The following RNF130 variants were observed in gnomAD, a reference collection of about 807,000 sequenced individuals.
RNF130 encodes ring finger protein 130.
Under a neutral mutation model 44.6 loss-of-function variants are expected in RNF130, and 21 were observed. That is an observed-to-expected ratio of 0.47 (90% CI 0.33 to 0.68). RNF130 has a LOEUF of 0.68. RNF130 is among the 30% of genes least tolerant of loss of function. RNF130 has a pLI of 0.02. For missense variants in RNF130, 479 were observed against 560.6 expected (o/e 0.85, Z 1.47); for synonymous variants, 214 against 210.4 (o/e 1.02, Z -0.15).
chr5:179,990,667 G>A lies in RNF130; in HGVS notation c.694-10467C>T, dbSNP rs551754542. 4.6e-5 allele frequency among the ~76,000 whole-genome samples: 7 copies of A among 152,300 alleles called. No individual in the cohort carries two copies. In the East Asian group the frequency reaches 7.7e-4, roughly 17 times the overall value. On this transcript the variant is annotated intron_variant, in intron 3 of 8. Coordinates refer to ENST00000521389, the MANE Select transcript of RNF130 (RefSeq NM_018434.6). ...GACAGCTACCGCTAGACCATGGTCC[G>A]CTTGGTAATGGGCGTCTTCCCAGAC...
At chr5:179,951,174 T>C (rs1762118664), downstream of RNF130, among the ~76,000 whole-genome samples, 2 of 152,144 alleles carry the variant, frequency 1.3e-5, 1 homozygote, top group South Asian at 4.1e-4. Flanking sequence ...CAACCCCGTA[T>C]GCACCTAACA....
At chr5:179,958,816 G>A (rs1309998772) in intron 8 of RNF130, among the ~76,000 whole-genome samples, 1 of 152,048 alleles carries the variant, frequency 6.6e-6, no homozygotes, top group Non-Finnish European at 1.5e-5. Flanking sequence ...CCTTAGCTGG[G>A]ATTACAGGTA....
At chr5:179,954,479 CA>C (rs1465558820), downstream of RNF130, among the ~76,000 whole-genome samples, 3 of 152,152 alleles carry the variant, frequency 2.0e-5, no homozygotes, top group Non-Finnish European at 4.4e-5. Context: ...CAAAAGGCCA[CA>C]TATTATATGG....
exon 8 of RNF130, chr5:179,920,326 G>A (rs1233657660): frequency 1.4e-6 from 1 of 701,070 alleles, no homozygotes; most frequent in Non-Finnish European, 2.6e-6. Flanking sequence ...TTCAGGTTTT[G>A]TTCTCATCAT....
chr5:179,956,864 G>A (rs1762224631), intron 8 of RNF130, among the ~76,000 whole-genome samples: 1 of 152,250 alleles, frequency 6.6e-6, no homozygotes. Flanking sequence ...CGAGCCCCGT[G>A]CTTGGCACAA....
chr5:180,023,108 G>A (rs1456186739), intron 2 of RNF130, among the ~76,000 whole-genome samples: 1 of 152,204 alleles, frequency 6.6e-6, no homozygotes, highest in Non-Finnish European at 1.5e-5. Context: ...AGGAGTGGGA[G>A]TTTAGTGATA....
chr5:179,988,467 C>T (rs1462354218), intron 3 of RNF130, among the ~76,000 whole-genome samples: 6 of 151,978 alleles, frequency 3.9e-5, no homozygotes, highest in South Asian at 2.1e-4. Context: ...CTTGCTTTTC[C>T]AGTTCCTTGA....
downstream of RNF130, among the ~76,000 whole-genome samples, chr5:179,951,584 C>T (rs549605986): frequency 1.1e-4 from 17 of 152,172 alleles, no homozygotes; most frequent in African/African-American, 2.2e-4. Flanking sequence ...GGGGTTTCAC[C>T]GTGTTGGCCA....
exon 8 of RNF130, chr5:179,920,007 T>C (rs1561657810): frequency 3.3e-6 from 1 of 305,672 alleles, no homozygotes; most frequent in South Asian, 6.1e-5. Flanking sequence ...TGTTCAGAGA[T>C]GCGTCTGCAA....
intron 3 of RNF130, among the ~76,000 whole-genome samples, chr5:179,999,755 T>C (rs529954755): frequency 3.2e-4 from 48 of 152,296 alleles, no homozygotes; most frequent in African/African-American, 1.1e-3. Context: ...TGAAGTGAGT[T>C]TCTTGTAGGT....
At chr5:180,057,747 A>T (rs954702219) in intron 1 of RNF130, among the ~76,000 whole-genome samples, 2 of 152,200 alleles carry the variant, frequency 1.3e-5, no homozygotes, top group Non-Finnish European at 2.9e-5. Flanking sequence ...TGTATCTTAC[A>T]TAACACCCTT....
chr5:179,954,762 A>G (rs189287288), downstream of RNF130, among the ~76,000 whole-genome samples: 1 of 152,358 alleles, frequency 6.6e-6, no homozygotes, highest in East Asian at 1.9e-4. Flanking sequence ...TGATTTGAGC[A>G]TGACTACTGG....
intron 1 of RNF130, among the ~76,000 whole-genome samples, chr5:180,049,743 G>GATAT (rs1764646301): frequency 6.6e-6 from 1 of 152,188 alleles, no homozygotes; most frequent in Non-Finnish European, 1.5e-5. Flanking sequence ...ATATGTATAT[G>GATAT]ATATAGCTGG....
chr5:179,944,910 T>C (rs879469829), intron 7 of RNF130, among the ~76,000 whole-genome samples: 5 of 152,144 alleles, frequency 3.3e-5, no homozygotes, highest in Non-Finnish European at 7.4e-5. Context: ...AAGGCACATA[T>C]ATTTGCTCAC....
At chr5:179,956,426 C>T (rs1762212813) in intron 8 of RNF130, 1 of 152,538 alleles carries the variant, frequency 6.6e-6, no homozygotes, top group Admixed American at 6.5e-5. Flanking sequence ...CCTTCAACTC[C>T]CTATTTTTAC....
chr5:179,983,628 G>C (rs1004788697), intron 3 of RNF130, among the ~76,000 whole-genome samples: 1 of 152,114 alleles, frequency 6.6e-6, no homozygotes, highest in East Asian at 1.9e-4. Flanking sequence ...TTGATATTTT[G>C]CATTCCCATA....
chr5:179,950,550 A>G (rs1247548678), downstream of RNF130, among the ~76,000 whole-genome samples: 2 of 152,236 alleles, frequency 1.3e-5, no homozygotes, highest in African/African-American at 4.8e-5. Flanking sequence ...AAATTATGAA[A>G]AATTAATAAT....
chr5:179,950,118 T>A (rs1762103498), downstream of RNF130, among the ~76,000 whole-genome samples: 2 of 149,668 alleles, frequency 1.3e-5, no homozygotes, highest in South Asian at 2.1e-4. Flanking sequence ...ATTAAATAAC[T>A]TTTTTTTTTC....
At position 179,977,802 on chromosome 5, in the gene RNF130, A is replaced by C. The variant is rs950069362; in HGVS notation, c.848+401T>G. On this transcript the variant is annotated intron_variant, in intron 5 of 8. Coordinates refer to ENST00000521389, the MANE Select transcript of RNF130 (RefSeq NM_018434.6). This position sits in a 1 kb window ranked among gnomAD's most constrained non-coding sequence, Gnocchi z 4.1. ...AGGAGGCGGAGCTTGCAGTGAGCCG[A>C]GATTGCGCCACTGCACACTCCAGCC... Among the ~76,000 whole-genome samples, 2 of 152,202 alleles carry C rather than the reference A, an allele frequency of 1.3e-5. No individual in the cohort carries two copies. Among genetic ancestry groups the C allele is most frequent in the Admixed American group, 1.3e-4 (2 of 15,280 alleles).
Sources: allele counts gnomAD v4.1 joint callset (sites outside exome capture counted in the v4.1 genomes callset), GRCh38; gene constraint gnomAD v4.1.1; non-coding constraint Gnocchi (gnomAD v3.1); transcripts MANE v1.5; gene names NCBI Gene and HGNC (gene_info 2026-07-23, HGNC 2026-07-21).